CAMSAP3: variants seen among roughly 807,000 people sequenced by gnomAD.
CAMSAP3 encodes the protein calmodulin-regulated spectrin-associated protein 3.
In CAMSAP3, 34 loss-of-function variants were observed where a neutral mutation model predicts 112.5. That is an observed-to-expected ratio of 0.30 (90% CI 0.23 to 0.40). CAMSAP3 has a LOEUF of 0.40. Ranked by LOEUF, CAMSAP3 falls within the 10% of genes least tolerant of loss-of-function variation. The probability of loss-of-function intolerance (pLI) is 1.00; values close to 1 mark genes in which losing one functional copy is unlikely to be tolerated. For missense variants in CAMSAP3, 1,602 were observed against 1,770.3 expected (o/e 0.90, Z 1.71); for synonymous variants, 868 against 799.8 (o/e 1.09, Z -1.44).
rs533658897 is a variant in CAMSAP3, at chr19:7,614,767, C to G, written c.2671-416C>G. 3.3e-4 allele frequency: 74 copies of G among 225,178 alleles called. No homozygotes were observed. In the Middle Eastern group the frequency reaches 5.3e-3, roughly 16 times the overall value. 13.9% of individuals were successfully genotyped at this position (225,178 alleles called of 1,614,324 possible). ...TCAGGGCCTCGGCACTAGCTGTCCC[C>G]TCTGCCTGGAACGCTCTGCTCTGTA... On this transcript the variant is annotated intron_variant, in intron 11 of 16. Coordinates refer to ENST00000160298, the MANE Select transcript of CAMSAP3 (RefSeq NM_020902.2).
At chr19:7,604,871 G>A (rs892361736) in intron 1 of CAMSAP3, among the ~76,000 whole-genome samples, 1 of 152,152 alleles carries the variant, frequency 6.6e-6, no homozygotes. Context: ...GATTGCCGAT[G>A]TTATTGTCTT....
intron 1 of CAMSAP3, among the ~76,000 whole-genome samples, chr19:7,602,307 A>G (rs113361006): frequency 0.014 from 2,142 of 152,326 alleles, 58 homozygotes; most frequent in African/African-American, 0.049. Context: ...CCAAGTACCA[A>G]TGAACCAAGG....
chr19:7,614,307 G>A (rs1346354151), intron 11 of CAMSAP3, among the ~76,000 whole-genome samples: 2 of 145,168 alleles, frequency 1.4e-5, no homozygotes, highest in Non-Finnish European at 3.0e-5. Context: ...AAAGCCCTGG[G>A]GAGGACTTCC....
chr19:7,616,945 T>TTTTTTTTTTTTTTG (rs1568449656), intron 14 of CAMSAP3, among the ~76,000 whole-genome samples: 3 of 131,662 alleles, frequency 2.3e-5, no homozygotes, highest in African/African-American at 8.5e-5. Context: ...TTTTTTTTTT[T>TTTTTTTTTTTTTTG]TTTTTTTTTT....
chr19:7,603,721 G>A (rs976478873), intron 1 of CAMSAP3, among the ~76,000 whole-genome samples: 1 of 152,054 alleles, frequency 6.6e-6, no homozygotes, highest in Non-Finnish European at 1.5e-5. Flanking sequence ...GTGGTGGCAC[G>A]TGCCTGCGGT....
In CAMSAP3 at chr19:7,613,176, G is replaced by A. The variant is rs1215916642; in HGVS notation, c.2670+13G>A. 14 of 1,483,508 alleles carry A rather than the reference G, an allele frequency of 9.4e-6. No individual in the cohort carries two copies. In the East Asian group the frequency reaches 3.6e-4, roughly 38 times the overall value. The allele number at this position is 1,483,508 out of a possible 1,614,324, so 91.9% of individuals were successfully genotyped here. ...GTTCTTCTACAAGGTGAGTCCCCGA[G>A]CAGGTGGCTGGAGGGTCCTGGGCCT... On this transcript the variant is annotated intron_variant, in intron 11 of 16. Transcript: ENST00000160298.
At chr19:7,606,166 T>TC in intron 2 of CAMSAP3, 105 bp from the exon 3 acceptor site, 3 of 134,906 alleles carry the variant, frequency 2.2e-5, no homozygotes, top group Non-Finnish European at 4.0e-5. Flanking sequence ...ACCCCCCCCG[T>TC]CAAGTCCCTC....
At chr19:7,602,748 G>A (rs2030023895) in intron 1 of CAMSAP3, among the ~76,000 whole-genome samples, 1 of 151,930 alleles carries the variant, frequency 6.6e-6, no homozygotes, top group Admixed American at 6.6e-5. Context: ...GCCTGGGGTG[G>A]GGGTGGGGCA....
chr19:7,609,186 C>T (rs868171344), intron 5 of CAMSAP3, among the ~76,000 whole-genome samples: 4 of 151,594 alleles, frequency 2.6e-5, no homozygotes, highest in South Asian at 2.1e-4. Flanking sequence ...GGTGCGGTGG[C>T]GGGCGCCTGT....
At position 7,614,951 on chromosome 19, in the gene CAMSAP3, C is replaced by T. The variant is rs368584427; in HGVS notation, c.2671-232C>T. ...CACTGCTGTCTGCTGCTTTTGTCTT[C>T]CCCGTTGGGTTAAGCAGTGTGTGTG... On this transcript the variant is annotated intron_variant, in intron 11 of 16. Coordinates refer to ENST00000160298, the MANE Select transcript of CAMSAP3 (RefSeq NM_020902.2). 15 of 593,940 alleles carry T rather than the reference C, an allele frequency of 2.5e-5. No homozygotes were observed. In the Admixed American group the frequency reaches 4.4e-4, roughly 18 times the overall value. The allele number at this position is 593,940 out of a possible 1,614,324, so 36.8% of individuals were successfully genotyped here. A position where few individuals can be genotyped will look rare whatever the true frequency, so the allele number is the denominator to read the frequency against.
intron 1 of CAMSAP3, among the ~76,000 whole-genome samples, chr19:7,602,241 A>T (rs535171026): frequency 6.6e-6 from 1 of 151,968 alleles, no homozygotes; most frequent in Non-Finnish European, 1.5e-5. Context: ...TTTGCTAAAC[A>T]TCTCACAGTG....
intron 1 of CAMSAP3, 21 bp downstream of exon 1, chr19:7,596,171 GGGGTCGGGGGCGGC>G: frequency 3.3e-6 from 3 of 899,050 alleles, no homozygotes; most frequent in Non-Finnish European, 4.1e-6. Context: ...TCGGGGGACC[GGGGTCGGGGGCGGC>G]GGGCCGGGCG....
Position 7,617,263 on chromosome 19 carries a change from A to G in CAMSAP3, c.3213-63A>G. The G allele has an allele frequency of 8.4e-7, 1 of 1,184,446 alleles. No homozygotes were observed. Among genetic ancestry groups the G allele is most frequent in the Non-Finnish European group, 1.3e-6 (1 of 791,178 alleles). The allele number at this position is 1,184,446 out of a possible 1,614,324, so 73.4% of individuals were successfully genotyped here. On this transcript the variant is annotated intron_variant, in intron 14 of 16. Coordinates refer to ENST00000160298, the MANE Select transcript of CAMSAP3 (RefSeq NM_020902.2). This position sits in a 1 kb window ranked among gnomAD's most constrained non-coding sequence, Gnocchi z 7.5. ...CCCTCTGCACATAGGGAAGCTTCCC[A>G]TCTCTGACCCCACCTCCATCCCATC...
In CAMSAP3 at chr19:7,611,400, A is replaced by G. The variant is rs2030477432; in HGVS notation, c.1124-117A>G. On this transcript the variant is annotated intron_variant, in intron 9 of 16. Coordinates refer to ENST00000160298, the MANE Select transcript of CAMSAP3 (RefSeq NM_020902.2). The surrounding 1 kb of genome is among the most constrained non-coding windows in gnomAD (Gnocchi z 6.9). ...TGGAAACCTCTGGTCTCACTAGACC[A>G]CATAATGAGCCATCAGTGACTCACC... 2 of 1,039,590 alleles carry G rather than the reference A, an allele frequency of 1.9e-6. No homozygotes were observed. Among genetic ancestry groups the G allele is most frequent in the Non-Finnish European group, 2.8e-6 (2 of 713,974 alleles). 64.4% of individuals were successfully genotyped at this position (1,039,590 alleles called of 1,614,324 possible). A position where few individuals can be genotyped will look rare whatever the true frequency, so the allele number is the denominator to read the frequency against.
chr19:7,617,976 C>G lies in CAMSAP3; in HGVS notation c.3669C>G (p.Val1223=), dbSNP rs4134883. 11,923 of 1,614,140 alleles carry G rather than the reference C, an allele frequency of 7.4e-3. 753 individuals carry two copies. In the African/African-American group the frequency reaches 0.14, roughly 19 times the overall value. ...QIPAKTMSMS[V]DAFTIQGHLW... Reference sequence around the variant, plus strand: ...CCGCCAAGACCATGTCCATGAGCGTCGATGCCTTCACCATCCAGGGACACC... The same window carrying G: ...CCGCCAAGACCATGTCCATGAGCGTGGATGCCTTCACCATCCAGGGACACC... The change falls in exon 17 of 17, where the codon GTC becomes GTG. Residue 1223 remains valine, a synonymous_variant. Coordinates refer to ENST00000160298, the MANE Select transcript of CAMSAP3 (RefSeq NM_020902.2). This position sits in a 1 kb window ranked among gnomAD's most constrained non-coding sequence, Gnocchi z 7.5.
chr19:7,605,567 G>C (rs1322882525), intron 2 of CAMSAP3, 88 bp downstream of exon 2: 1 of 1,340,626 alleles, frequency 7.5e-7, no homozygotes, highest in East Asian at 2.9e-5. Context: ...CTCCTCCCAA[G>C]TTCCCTCTAT....
At chr19:7,609,544 G>A (rs910892252) in intron 5 of CAMSAP3, among the ~76,000 whole-genome samples, 1 of 152,048 alleles carries the variant, frequency 6.6e-6, no homozygotes, top group Non-Finnish European at 1.5e-5. Context: ...CCAACTTTTT[G>A]GCTCCAGGGA....
intron 1 of CAMSAP3, among the ~76,000 whole-genome samples, chr19:7,603,887 C>T (rs992894016): frequency 6.6e-6 from 1 of 152,128 alleles, no homozygotes; most frequent in African/African-American, 2.4e-5. Flanking sequence ...GTAATCCCAG[C>T]ACTTTGGGAG....
chr19:7,617,881 A>G lies in CAMSAP3; in HGVS notation c.3574A>G (p.Thr1192Ala), dbSNP rs1258845753. ...GCGGCTGGCAGGGTATGGGCCCCGG[A>G]CCGTCACGCCCGCCATGGTGGAAGG... ...LSRLAGYGPR[T>A]VTPAMVEGIY... Residue 1192 changes from threonine (T) to alanine (A), a missense_variant, in exon 17 of 17, where the codon ACC (threonine) becomes GCC (alanine). Physicochemically the swap from Thr to Ala is moderately conservative, Grantham distance 58 (BLOSUM62 0). Around this residue, in one of 6 missense-constraint regions of CAMSAP3, gnomAD observed 150 missense variants for 207.6 expected, o/e 0.72. Coordinates refer to ENST00000160298, the MANE Select transcript of CAMSAP3 (RefSeq NM_020902.2). The surrounding 1 kb of genome is among the most constrained non-coding windows in gnomAD (Gnocchi z 7.5). 7 of 1,613,512 alleles carry G rather than the reference A, an allele frequency of 4.3e-6. No individual in the cohort carries two copies. Among genetic ancestry groups the G allele is most frequent in the Non-Finnish European group, 5.9e-6 (7 of 1,179,990 alleles).
Sources: allele counts gnomAD v4.1 joint callset (sites outside exome capture counted in the v4.1 genomes callset), GRCh38; gene constraint gnomAD v4.1.1; regional missense constraint gnomAD v4.1.1; non-coding constraint Gnocchi (gnomAD v3.1); transcripts MANE v1.5; gene names NCBI Gene and HGNC (gene_info 2026-07-23, HGNC 2026-07-21).